Variants in ALPK1 observed in about 807,000 individuals in gnomAD.
The protein encoded by ALPK1 is alpha-protein kinase 1.
ALPK1 carries 110 observed loss-of-function variants against 120.6 expected under a neutral mutation model. The observed-to-expected ratio is 0.91, with a 90% CI of 0.78 to 1.07. The LOEUF (loss-of-function observed/expected upper bound fraction) is 1.07. Among genes scored for constraint, ALPK1 ranks in the 50% least tolerant of loss-of-function variants. The pLI is 0.00. For synonymous variants in ALPK1, 582 were observed against 560.3 expected, an observed-to-expected ratio of 1.04 and a Z score of -0.55; for missense variants, 1,498 against 1,483.9, an observed-to-expected ratio of 1.01 and a Z score of -0.16.
intron 4 of ALPK1, among the ~76,000 whole-genome samples, chr4:112,396,975 C>G (rs1216575579): frequency 6.6e-6 from 1 of 152,088 alleles, no homozygotes; most frequent in Non-Finnish European, 1.5e-5. Flanking sequence ...TAGGTCATCA[C>G]CAGGTTGCCC....
chr4:112,335,560 CA>C (rs1278692131), intron 2 of ALPK1, among the ~76,000 whole-genome samples: 1 of 152,136 alleles, frequency 6.6e-6, no homozygotes, highest in African/African-American at 2.4e-5. Context: ...TGTGGCAGGA[CA>C]GGGACTAATA....
At chr4:112,382,286 T>TCC in intron 3 of ALPK1, 112 bp from the exon 4 acceptor site, 1 of 1,168,608 alleles carries the variant, frequency 8.6e-7, no homozygotes, top group South Asian at 1.6e-5. Context: ...AAAAGGTTTT[T>TCC]CTCTTTTTTT....
chr4:112,423,912 TA>T, intron 5 of ALPK1, 31 bp from the exon 6 acceptor site: 2 of 1,612,702 alleles, frequency 1.2e-6, no homozygotes, highest in Non-Finnish European at 1.7e-6. Flanking sequence ...TGTTCAAAGC[TA>T]ATTGTGTGGC....
chr4:112,415,434 G>A (rs188947651), intron 5 of ALPK1, among the ~76,000 whole-genome samples: 2 of 152,254 alleles, frequency 1.3e-5, no homozygotes, highest in South Asian at 2.1e-4. Flanking sequence ...TCAGGAGTTC[G>A]AGACCAGCCT....
At chr4:112,438,410 G>A in intron 12 of ALPK1, 74 bp from the exon 13 acceptor site, 1 of 1,395,452 alleles carries the variant, frequency 7.2e-7, no homozygotes, top group Non-Finnish European at 9.9e-7. Context: ...TATGTCTTTT[G>A]ATCTCCTCTC....
At chr4:112,405,666 C>T (rs1056240881) in intron 4 of ALPK1, among the ~76,000 whole-genome samples, 1 of 152,116 alleles carries the variant, frequency 6.6e-6, no homozygotes, top group Non-Finnish European at 1.5e-5. Flanking sequence ...ACCCCCGCCT[C>T]CCAGATTCAA....
chr4:112,357,708 C>T lies in ALPK1; in HGVS notation c.-100-19970C>T, dbSNP rs1415779767. 15 of 1,559,090 alleles carry T rather than the reference C, an allele frequency of 9.6e-6. No homozygotes were observed. In the East Asian group the frequency reaches 2.9e-4, roughly 30 times the overall value. ...GAGCCCAGTTGAGCTCCGCGTTTGA[C>T]AGACGGTTTTCCAAGGAGTGCTTGT... On this transcript the variant is annotated intron_variant, in intron 2 of 15. Transcript: ENST00000650871.
At chr4:112,387,742 G>A (rs903614247) in intron 4 of ALPK1, among the ~76,000 whole-genome samples, 6 of 152,174 alleles carry the variant, frequency 3.9e-5, no homozygotes, top group East Asian at 1.9e-4. Flanking sequence ...AAACCCCTGT[G>A]GATGAATAAA....
chr4:112,353,821 A>G (rs1480145254), intron 2 of ALPK1, among the ~76,000 whole-genome samples: 1 of 152,128 alleles, frequency 6.6e-6, no homozygotes, highest in African/African-American at 2.4e-5. Flanking sequence ...GTGAGCCGAG[A>G]TTGCACCACT....
chr4:112,358,213 C>T, intron 2 of ALPK1: 1 of 601,832 alleles, frequency 1.7e-6, no homozygotes, highest in Non-Finnish European at 3.1e-6. Context: ...ACAGGGCTGT[C>T]TTCCTCTGTG....
chr4:112,354,139 C>T (rs764785725), intron 2 of ALPK1, among the ~76,000 whole-genome samples: 60 of 152,108 alleles, frequency 3.9e-4, no homozygotes, highest in South Asian at 6.2e-4. Flanking sequence ...CAAATACTGT[C>T]TCCCAGTTTG....
At chr4:112,361,843 C>A (rs1479723681) in intron 2 of ALPK1, among the ~76,000 whole-genome samples, 1 of 152,248 alleles carries the variant, frequency 6.6e-6, no homozygotes, top group Non-Finnish European at 1.5e-5. Flanking sequence ...ACTTCATTCC[C>A]CTGCTACCTC....
At chr4:112,380,934 T>C (rs1731874603) in intron 3 of ALPK1, among the ~76,000 whole-genome samples, 2 of 152,176 alleles carry the variant, frequency 1.3e-5, no homozygotes, top group Non-Finnish European at 2.9e-5. Flanking sequence ...TCAATTCCAC[T>C]GTGAGGTCAC....
chr4:112,377,181 T>C (rs1731704035), intron 2 of ALPK1, among the ~76,000 whole-genome samples: 2 of 152,316 alleles, frequency 1.3e-5, no homozygotes, highest in Non-Finnish European at 2.9e-5. Context: ...GCTTTAAATT[T>C]GGCATTTGTC....
At chr4:112,352,798 A>G (rs893973405) in intron 2 of ALPK1, 1 of 152,120 alleles carries the variant, frequency 6.6e-6, no homozygotes, top group Non-Finnish European at 1.5e-5. Context: ...TTATATTTCT[A>G]AGATTTACCC....
Position 112,343,365 on chromosome 4 carries a change from A to C in ALPK1, c.-101+27513A>C, listed in dbSNP as rs575090445. 3.3e-5 allele frequency: 5 copies of C among 152,310 alleles called. No homozygotes were observed. In the East Asian group the frequency reaches 9.6e-4, roughly 29 times the overall value. The allele number at this position is 152,310 out of a possible 1,614,324, so 9.4% of individuals were successfully genotyped here. On this transcript the variant is annotated intron_variant, in intron 2 of 15. Transcript: ENST00000650871. ...GAAAGAAAGAAGTAGACTATGAAGG[A>C]GAGTGTTTTGGGGAAAGATCTCTGT... is the stretch of plus-strand genomic sequence containing the variant.
At chr4:112,377,997 T>TGAGC in intron 3 of ALPK1, 99 bp downstream of exon 3, 1 of 1,198,382 alleles carries the variant, frequency 8.3e-7, no homozygotes, top group Non-Finnish European at 1.1e-6. Flanking sequence ...ATTTTTCTTC[T>TGAGC]CTTGGCAGAT....
intron 2 of ALPK1, among the ~76,000 whole-genome samples, chr4:112,322,518 T>G (rs1728906806): frequency 6.6e-6 from 1 of 152,224 alleles, no homozygotes; most frequent in Admixed American, 6.5e-5. Context: ...CAAATATTTT[T>G]TGAGCACCTA....
In ALPK1 at chr4:112,442,356, A is replaced by G. The variant is rs542965834; in HGVS notation, c.*1146A>G. ...TGGAGGCCATTATTTTTAGCAAACT[A>G]ATGCAAGAACAGAAAACTAAATACC... is the stretch of plus-strand genomic sequence containing the variant. On this transcript the variant is annotated 3_prime_UTR_variant, in exon 16 of 16. Transcript: ENST00000650871. 7.2e-5 allele frequency: 11 copies of G among 152,208 alleles called. No homozygotes were observed. The highest frequency in any genetic ancestry group is 3.9e-4 in the Admixed American group (6 of 15,280). 9.4% of individuals were successfully genotyped at this position (152,208 alleles called of 1,614,324 possible). A position where few individuals can be genotyped will look rare whatever the true frequency, so the allele number is the denominator to read the frequency against.
Sources: allele counts gnomAD v4.1 joint callset (sites outside exome capture counted in the v4.1 genomes callset), GRCh38; gene constraint gnomAD v4.1.1; transcripts MANE v1.5; gene names NCBI Gene and HGNC (gene_info 2026-07-23, HGNC 2026-07-21).